The following DLGAP1 variants were observed in gnomAD, a reference collection of about 807,000 sequenced individuals.
DLGAP1 encodes DLG associated protein 1.
Under a neutral mutation model 90.8 loss-of-function variants are expected in DLGAP1, and 11 were observed. The observed-to-expected ratio is 0.12, with a 90% confidence interval of 0.08 to 0.20. The LOEUF is 0.20. Ranked by LOEUF, DLGAP1 falls within the 10% of genes least tolerant of loss-of-function variation. The probability of loss-of-function intolerance (pLI) is 1.00; values close to 1 mark genes in which losing one functional copy is unlikely to be tolerated. For missense variants in DLGAP1, 1,050 were observed against 1,333.8 expected (o/e 0.79, Z 3.31); for synonymous variants, 558 against 540.7 (o/e 1.03, Z -0.44).
In DLGAP1 at chr18:4,017,605, CAA is replaced by C. The variant is rs1185373046; in HGVS notation, c.-158-12406_-158-12405del. On this transcript the variant is annotated intron_variant, in intron 2 of 12. Transcript: ENST00000315677. ...ATGTAGCAATAGGTTACAAATAAAG[CAA>C]AGAGTGCCCCTGCTGAAACTGCTGT... Among the ~76,000 whole-genome samples, 5 of 152,152 alleles carry C rather than the reference CAA, an allele frequency of 3.3e-5. No individual in the cohort carries two copies. In the South Asian group the frequency reaches 6.2e-4, roughly 19 times the overall value.
At chr18:3,909,103 T>C (rs974238690) in intron 3 of DLGAP1, among the ~76,000 whole-genome samples, 6 of 152,226 alleles carry the variant, frequency 3.9e-5, no homozygotes, top group Admixed American at 2.6e-4. Flanking sequence ...GGAACAGTGA[T>C]AATTTTATAC....
intron 11 of DLGAP1, among the ~76,000 whole-genome samples, chr18:3,506,216 A>C (rs1254577367): frequency 6.6e-6 from 1 of 151,982 alleles, no homozygotes; most frequent in Non-Finnish European, 1.5e-5. Context: ...CAGCCTGGGC[A>C]ACAAGAGTGA....
chr18:4,014,164 C>A (rs2074480449), intron 2 of DLGAP1, among the ~76,000 whole-genome samples: 1 of 148,550 alleles, frequency 6.7e-6, no homozygotes, highest in African/African-American at 2.5e-5. Flanking sequence ...CGACTCACTG[C>A]AACCTCCACC....
At position 3,514,346 on chromosome 18, in the gene DLGAP1, G is replaced by A. The variant is rs574433529; in HGVS notation, c.2480-5685C>T. ...CATCAGACCTTACTTTAAGGCCTCAGAAACAGAGAAGAATAGACATATTTC... is the reference window on the plus strand; with the variant it reads ...CATCAGACCTTACTTTAAGGCCTCAAAAACAGAGAAGAATAGACATATTTC... On this transcript the variant is annotated intron_variant, in intron 10 of 12. Transcript: ENST00000315677. Among the ~76,000 whole-genome samples, 152 of 152,248 alleles carry A rather than the reference G, an allele frequency of 1.0e-3. 1 individual carries two copies. Among genetic ancestry groups the A allele is most frequent in the African/African-American group, 3.3e-3 (136 of 41,552 alleles).
At chr18:3,803,410 C>T (rs1181397977) in intron 5 of DLGAP1, among the ~76,000 whole-genome samples, 1 of 152,172 alleles carries the variant, frequency 6.6e-6, no homozygotes, top group Non-Finnish European at 1.5e-5. Context: ...GGAGGCCAGT[C>T]TTCTCAGGCA....
chr18:3,638,238 T>C (rs10468745), intron 7 of DLGAP1, among the ~76,000 whole-genome samples: 148,625 of 148,674 alleles, frequency 1, 74,288 homozygotes, highest in East Asian at 1. Context: ...TGAGCCACCG[T>C]GCCCGGCCCT....
At position 3,496,608 on chromosome 18, in the gene DLGAP1, C is replaced by T. The variant is rs190171272; in HGVS notation, c.*2577G>A. ...CCCTCCCCAAGAAAATGCCCAACAC[C>T]TTTATACCAAAGTTAAACAAAATAA... On this transcript the variant is annotated 3_prime_UTR_variant, in exon 13 of 13. Transcript: ENST00000315677. The T allele has an allele frequency of 3.1e-4, 47 of 152,214 alleles. No homozygotes were observed. The highest frequency in any genetic ancestry group is 1.1e-3 in the Admixed American group (17 of 15,286). The allele number at this position is 152,214 out of a possible 1,614,324, so 9.4% of individuals were successfully genotyped here.
rs146870158 is a variant in DLGAP1, at chr18:4,011,586, G to A, written c.-158-6385C>T. 2.6e-3 allele frequency among the ~76,000 whole-genome samples: 389 copies of A among 152,236 alleles called. 2 individuals are homozygous for A. Among genetic ancestry groups the A allele is most frequent in the African/African-American group, 8.6e-3 (357 of 41,522 alleles). Reference sequence around the variant, plus strand: ...AATCCCAGCACTTTGGGAGGCTGAGGCAGGAGGATTGCTTGAGCTCAGTAG... The same window carrying A: ...AATCCCAGCACTTTGGGAGGCTGAGACAGGAGGATTGCTTGAGCTCAGTAG... On this transcript the variant is annotated intron_variant, in intron 2 of 12. Transcript: ENST00000315677.
chr18:3,508,615 C>G lies in DLGAP1; in HGVS notation c.2526G>C (p.Met842Ile), dbSNP rs149401099. 3.1e-6 allele frequency: 5 copies of G among 1,613,792 alleles called. No individual in the cohort carries two copies. Among genetic ancestry groups the G allele is most frequent in the Non-Finnish European group, 3.4e-6 (4 of 1,179,892 alleles). The change falls in exon 11 of 13, where the codon ATG becomes ATC. Residue 842 changes from methionine (M) to isoleucine (I), a missense_variant. Physicochemically the swap from Met to Ile is conservative, Grantham distance 10. This residue lies in a region of DLGAP1 where 565 missense variants were observed against 879.7 expected (regional missense o/e 0.64). Coordinates refer to ENST00000315677, the MANE Select transcript of DLGAP1 (RefSeq NM_004746.4). ...RTAVGSAQLL[M>I]AQKFYQFREL... The stretch of plus-strand genomic sequence containing the variant: ...CTCTGAACTGGTAGAATTTCTGGGC[C>G]ATGAGAAGTTGGGCACTGCCCACTG...
At chr18:4,384,298 T>C (rs1246668034) in intron 1 of DLGAP1, among the ~76,000 whole-genome samples, 1 of 152,076 alleles carries the variant, frequency 6.6e-6, no homozygotes, top group Non-Finnish European at 1.5e-5. Context: ...GAGAAGTTAT[T>C]AAGTTAATAT....
intron 5 of DLGAP1, among the ~76,000 whole-genome samples, chr18:3,780,119 TA>T (rs1175645728): frequency 1.1e-4 from 16 of 152,152 alleles, no homozygotes; most frequent in Non-Finnish European, 2.2e-4. Flanking sequence ...CCCACAGGCT[TA>T]AAAAAAATTT....
At chr18:4,369,094 T>C (rs1050331716) in intron 1 of DLGAP1, among the ~76,000 whole-genome samples, 2 of 152,196 alleles carry the variant, frequency 1.3e-5, no homozygotes, top group African/African-American at 4.8e-5. Context: ...AAGATGGATC[T>C]CTAAGGTCAC....
At chr18:3,649,598 C>A (rs535762541) in intron 7 of DLGAP1, among the ~76,000 whole-genome samples, 67 of 152,250 alleles carry the variant, frequency 4.4e-4, no homozygotes, top group African/African-American at 1.6e-3. Flanking sequence ...TCTGCAACTG[C>A]CCCAAGAGAA....
At chr18:4,364,675 G>A (rs28568471) in intron 1 of DLGAP1, among the ~76,000 whole-genome samples, 5,421 of 152,020 alleles carry the variant, frequency 0.036, 313 homozygotes, top group African/African-American at 0.12. Flanking sequence ...CTCTGATTTT[G>A]GTTACTTCAT....
At chr18:3,862,915 C>T (rs1471519482) in intron 4 of DLGAP1, among the ~76,000 whole-genome samples, 1 of 152,266 alleles carries the variant, frequency 6.6e-6, no homozygotes, top group Non-Finnish European at 1.5e-5. Flanking sequence ...GCTTTGGGCA[C>T]ACAGAAAACT....
intron 12 of DLGAP1, 57 bp downstream of exon 12, chr18:3,502,436 C>T (rs780098476): frequency 1.6e-5 from 25 of 1,610,670 alleles, no homozygotes; most frequent in Non-Finnish European, 2.0e-5. Context: ...CCTATTTAGA[C>T]TGTCCAGTGT....
chr18:3,941,126 C>T (rs779277160), intron 3 of DLGAP1, among the ~76,000 whole-genome samples: 1 of 152,038 alleles, frequency 6.6e-6, no homozygotes, highest in Non-Finnish European at 1.5e-5. Context: ...TTTAAATGTA[C>T]AGTAAGGAAA....
At chr18:4,360,892 A>G (rs1332338292) in intron 1 of DLGAP1, among the ~76,000 whole-genome samples, 1 of 152,158 alleles carries the variant, frequency 6.6e-6, no homozygotes, top group Non-Finnish European at 1.5e-5. Context: ...AAGCAGGAGA[A>G]TCACTTGAAC....
At chr18:3,991,506 C>T (rs578185984) in intron 3 of DLGAP1, among the ~76,000 whole-genome samples, 49 of 152,242 alleles carry the variant, frequency 3.2e-4, no homozygotes, top group African/African-American at 8.7e-4. Flanking sequence ...GAAATAACAC[C>T]GCAGAGGTGG....
Sources: gnomAD v4.1 joint callset for allele counts (sites outside exome capture counted in the v4.1 genomes callset) on GRCh38, gnomAD v4.1.1 for gene constraint, gnomAD v4.1.1 regional missense constraint, MANE v1.5 for transcripts, NCBI Gene and HGNC (gene_info 2026-07-23, HGNC 2026-07-21) for gene names.